The following AFF3 variants were observed in gnomAD, a reference collection of about 807,000 sequenced individuals.
AFF3 encodes the protein ALF transcription elongation factor 3.
A neutral mutation model predicts 129.7 loss-of-function variants in AFF3; 32 were observed. The ratio of observed to expected loss-of-function variants is 0.25; its 90% CI spans 0.19 to 0.33. The LOEUF (loss-of-function observed/expected upper bound fraction) is 0.33, where lower values mean the gene tolerates loss of function less well. Ranked by LOEUF, AFF3 falls within the 10% of genes least tolerant of loss-of-function variation. AFF3 has a pLI of 1.00. For missense variants in AFF3, 1,373 were observed against 1,592.0 expected, an observed-to-expected ratio of 0.86 and a Z score of 2.34; for synonymous variants, 644 against 635.4, an observed-to-expected ratio of 1.01 and a Z score of -0.20.
chr2:100,107,612 A>G, intron 2 of AFF3: 1 of 657,048 alleles, frequency 1.5e-6, no homozygotes, highest in Non-Finnish European at 1.9e-6. Context: ...GCTGAATCAA[A>G]CCACCCAGCT....
chr2:99,814,851 T>C (rs1477022122), intron 8 of AFF3, among the ~76,000 whole-genome samples: 1 of 113,022 alleles, frequency 8.8e-6, no homozygotes, highest in African/African-American at 3.0e-5. Context: ...ATTTTAATTA[T>C]ACTTTTTTTT....
intron 7 of AFF3, among the ~76,000 whole-genome samples, chr2:99,973,652 TC>T (rs1678603441): frequency 1.3e-5 from 2 of 152,234 alleles, no homozygotes; most frequent in Admixed American, 6.5e-5. Context: ...ATTCTAATTT[TC>T]AATGTTTTCC....
At chr2:99,809,307 C>T (rs1415696992) in intron 8 of AFF3, among the ~76,000 whole-genome samples, 1 of 152,208 alleles carries the variant, frequency 6.6e-6, no homozygotes, top group African/African-American at 2.4e-5. Context: ...GCTACAGAGG[C>T]ACCCAGCTCT....
chr2:99,751,995 G>A (rs1379526230), intron 9 of AFF3, among the ~76,000 whole-genome samples: 1 of 152,196 alleles, frequency 6.6e-6, no homozygotes, highest in African/African-American at 2.4e-5. Context: ...GATAATTACA[G>A]TAGTATCACA....
intron 7 of AFF3, among the ~76,000 whole-genome samples, chr2:99,957,182 C>CGTGTGT (rs144873522): frequency 6.6e-6 from 1 of 150,528 alleles, no homozygotes; most frequent in Non-Finnish European, 1.5e-5. Flanking sequence ...TGTGTGTGTG[C>CGTGTGT]GTGTGTGTGT....
intron 13 of AFF3, among the ~76,000 whole-genome samples, chr2:99,646,183 G>A (rs1310696675): frequency 3.3e-5 from 5 of 152,150 alleles, no homozygotes; most frequent in African/African-American, 1.2e-4. Flanking sequence ...AATAGCTCCG[G>A]CCTTGTCTAA....
At chr2:99,662,996 T>C (rs1272413881) in intron 12 of AFF3, among the ~76,000 whole-genome samples, 2 of 152,226 alleles carry the variant, frequency 1.3e-5, no homozygotes, top group Non-Finnish European at 2.9e-5. Context: ...TCAACCAAGC[T>C]GATCCTGAGA....
At chr2:99,810,443 T>C (rs1216758449) in intron 8 of AFF3, among the ~76,000 whole-genome samples, 2 of 152,218 alleles carry the variant, frequency 1.3e-5, no homozygotes, top group African/African-American at 4.8e-5. Flanking sequence ...GCAATAAACC[T>C]ATTGCTTACT....
At chr2:100,028,903 T>A (rs1217352026) in intron 4 of AFF3, among the ~76,000 whole-genome samples, 5 of 152,040 alleles carry the variant, frequency 3.3e-5, no homozygotes, top group African/African-American at 9.7e-5. Flanking sequence ...GATTCAATAA[T>A]CCTCCTTCTG....
At chr2:100,052,799 C>A (rs1686451910) in intron 4 of AFF3, among the ~76,000 whole-genome samples, 1 of 152,224 alleles carries the variant, frequency 6.6e-6, no homozygotes, top group Non-Finnish European at 1.5e-5. Flanking sequence ...CCTGCAGGGG[C>A]AGGGCAGGAC....
intron 12 of AFF3, among the ~76,000 whole-genome samples, chr2:99,666,266 T>G (rs1391704604): frequency 6.6e-6 from 1 of 152,218 alleles, no homozygotes; most frequent in Non-Finnish European, 1.5e-5. Context: ...TACATTTGTA[T>G]CACCTATTAT....
chr2:99,722,803 C>G (rs758237327), intron 11 of AFF3, among the ~76,000 whole-genome samples: 1 of 152,050 alleles, frequency 6.6e-6, no homozygotes, highest in Non-Finnish European at 1.5e-5. Context: ...CTGTGACTTA[C>G]TCAATTCCCA....
At chr2:99,820,340 T>C (rs1687560025) in intron 8 of AFF3, among the ~76,000 whole-genome samples, 1 of 152,140 alleles carries the variant, frequency 6.6e-6, no homozygotes, top group Admixed American at 6.5e-5. Flanking sequence ...GTTGTGTATC[T>C]GAACATACCG....
intron 14 of AFF3, among the ~76,000 whole-genome samples, chr2:99,598,615 G>A (rs1393093651): frequency 2.0e-5 from 3 of 152,224 alleles, no homozygotes; most frequent in Admixed American, 2.0e-4. Flanking sequence ...CGCCTCCTAC[G>A]CCCATAGCAG....
At chr2:99,953,189 G>T (rs951879241) in intron 7 of AFF3, among the ~76,000 whole-genome samples, 2 of 152,158 alleles carry the variant, frequency 1.3e-5, no homozygotes, top group African/African-American at 4.8e-5. Context: ...ACATTCACAA[G>T]CTGTGCAATT....
At chr2:99,794,118 T>C (rs900171206) in intron 8 of AFF3, among the ~76,000 whole-genome samples, 4 of 152,236 alleles carry the variant, frequency 2.6e-5, no homozygotes, top group Non-Finnish European at 4.4e-5. Flanking sequence ...GAAAACATAT[T>C]CTGTATTTCA....
At chr2:99,993,230 A>T (rs1680517863) in intron 7 of AFF3, among the ~76,000 whole-genome samples, 2 of 152,230 alleles carry the variant, frequency 1.3e-5, no homozygotes, top group Admixed American at 1.3e-4. Flanking sequence ...TGCTCTAATT[A>T]ATATGTAACG....
chr2:99,990,283 C>A (rs1466900127), intron 7 of AFF3, among the ~76,000 whole-genome samples: 2 of 152,132 alleles, frequency 1.3e-5, no homozygotes, highest in African/African-American at 4.8e-5. Context: ...TACAATCCTG[C>A]ATTAAATGTA....
At chr2:99,948,164 T>C (rs1000282792) in intron 7 of AFF3, among the ~76,000 whole-genome samples, 9 of 152,226 alleles carry the variant, frequency 5.9e-5, no homozygotes, top group Non-Finnish European at 1.3e-4. Context: ...GAGAGGCTGC[T>C]GTACAGGTCA....
Sources: gnomAD v4.1 joint callset for allele counts (sites outside exome capture counted in the v4.1 genomes callset) on GRCh38, gnomAD v4.1.1 for gene constraint, MANE v1.5 for transcripts, NCBI Gene and HGNC (gene_info 2026-07-23, HGNC 2026-07-21) for gene names.